COL24A1: variants seen among roughly 807,000 people sequenced by gnomAD.
The protein encoded by COL24A1 is collagen alpha-1(XXIV) chain.
In COL24A1, 224 loss-of-function variants were observed where a neutral mutation model predicts 253.9. That is an observed-to-expected ratio of 0.88 (90% CI 0.79 to 0.99). The LOEUF is 0.99. Ranked by LOEUF, COL24A1 falls within the 50% of genes least tolerant of loss-of-function variation. The pLI is 0.00. For missense variants in COL24A1, 2,131 were observed against 2,068.5 expected (o/e 1.03, Z -0.59); for synonymous variants, 685 against 673.7 (o/e 1.02, Z -0.26).
At chr1:86,112,977 C>G (rs985582804) in intron 4 of COL24A1, among the ~76,000 whole-genome samples, 2 of 152,066 alleles carry the variant, frequency 1.3e-5, no homozygotes, top group Admixed American at 1.3e-4. Context: ...TATTGCTGTT[C>G]TAACTGCCTT....
rs1307406348 is a variant in COL24A1, at chr1:85,936,936, T to G, written c.2562+24313A>C. 2.0e-5 allele frequency among the ~76,000 whole-genome samples: 3 copies of G among 147,248 alleles called. 1 individual carries two copies. The highest frequency in any genetic ancestry group is 4.5e-5 in the Non-Finnish European group (3 of 66,654). ...CAAATGACTACACATCTGAATCTCC[T>G]ATAAGCTGAGTTCCATCAGATTCAT... On this transcript the variant is annotated intron_variant, in intron 24 of 59. Transcript: ENST00000370571.
chr1:86,140,285 T>C (rs559207398), intron 2 of COL24A1, among the ~76,000 whole-genome samples: 3 of 152,368 alleles, frequency 2.0e-5, no homozygotes, highest in African/African-American at 4.8e-5. Flanking sequence ...AACTCTAAGA[T>C]GCTGGCTCTG....
intron 11 of COL24A1, among the ~76,000 whole-genome samples, chr1:86,047,238 C>G (rs114269490): frequency 0.021 from 3,167 of 152,282 alleles, 36 homozygotes; most frequent in Middle Eastern, 0.068. Context: ...TCTGCCTTCC[C>G]CTCTCTATCT....
At chr1:85,987,374 T>C (rs1693808581) in intron 20 of COL24A1, among the ~76,000 whole-genome samples, 1 of 151,860 alleles carries the variant, frequency 6.6e-6, no homozygotes, top group African/African-American at 2.4e-5. Flanking sequence ...TCCAAAAAAA[T>C]CCTTCTGGGT....
At chr1:86,112,441 G>A (rs1705707040) in intron 5 of COL24A1, 126 bp downstream of exon 5, 3 of 715,522 alleles carry the variant, frequency 4.2e-6, no homozygotes, top group Non-Finnish European at 2.3e-6. Context: ...GAAGAATCAT[G>A]CTCTGGAGGT....
Position 85,877,108 on chromosome 1 carries a change from C to T in COL24A1, c.3030+14G>A. The stretch of plus-strand genomic sequence containing the variant: ...AGAATATTTATGAAGAAGAACTAGC[C>T]ACAAAAAATTTACCTCCATGCCCAT... On this transcript the variant is annotated intron_variant, in intron 33 of 59. Coordinates refer to ENST00000370571, the MANE Select transcript of COL24A1 (RefSeq NM_152890.7). The T allele has an allele frequency of 6.3e-7, 1 of 1,595,810 alleles. No individual in the cohort carries two copies. The highest frequency in any genetic ancestry group is 1.7e-5 in the Admixed American group (1 of 57,940).
intron 7 of COL24A1, among the ~76,000 whole-genome samples, chr1:86,085,902 A>G (rs1000756082): frequency 3.3e-5 from 5 of 152,318 alleles, no homozygotes; most frequent in Admixed American, 3.3e-4. Context: ...CAAAAAATCT[A>G]TGAAAGACTG....
intron 43 of COL24A1, among the ~76,000 whole-genome samples, chr1:85,827,900 G>T (rs929490178): frequency 1.3e-5 from 2 of 151,984 alleles, no homozygotes; most frequent in East Asian, 1.9e-4. Context: ...TTTTTGAAGG[G>T]TTTTTTGTGT....
At chr1:86,126,253 T>A in intron 2 of COL24A1, 39 bp from the exon 3 acceptor site, 1 of 1,519,254 alleles carries the variant, frequency 6.6e-7, no homozygotes, top group East Asian at 2.3e-5. Context: ...GAATCTTAAT[T>A]TTATGGATTC....
At chr1:86,142,290 G>A (rs1056444331) in intron 2 of COL24A1, among the ~76,000 whole-genome samples, 8 of 151,906 alleles carry the variant, frequency 5.3e-5, no homozygotes, top group Admixed American at 2.0e-4. Flanking sequence ...TTGGGAGGCC[G>A]AGGCGGGAGG....
At chr1:85,917,938 C>T (rs148592814) in intron 24 of COL24A1, among the ~76,000 whole-genome samples, 1 of 152,120 alleles carries the variant, frequency 6.6e-6, no homozygotes, top group African/African-American at 2.4e-5. Flanking sequence ...GAACTCCTGA[C>T]CTCAGGTGAT....
intron 48 of COL24A1, among the ~76,000 whole-genome samples, chr1:85,785,293 T>C (rs1669564909): frequency 2.6e-5 from 4 of 152,228 alleles, no homozygotes; most frequent in Admixed American, 2.6e-4. Flanking sequence ...AGTCAAGTCT[T>C]TTTTCATTGA....
chr1:85,869,353 A>G (rs1419058458), intron 35 of COL24A1, among the ~76,000 whole-genome samples: 6 of 152,176 alleles, frequency 3.9e-5, no homozygotes, highest in Non-Finnish European at 8.8e-5. Context: ...AGAACACCAC[A>G]AAGATACTCC....
intron 7 of COL24A1, among the ~76,000 whole-genome samples, chr1:86,079,594 A>G (rs1318423986): frequency 6.6e-6 from 1 of 151,940 alleles, no homozygotes; most frequent in Non-Finnish European, 1.5e-5. Flanking sequence ...AAGGTGCTCA[A>G]ACAACTAATC....
chr1:85,898,775 A>G (rs576316924), intron 28 of COL24A1, among the ~76,000 whole-genome samples: 1 of 152,336 alleles, frequency 6.6e-6, no homozygotes, highest in East Asian at 1.9e-4. Context: ...AAATTATAAA[A>G]TGAAAATATG....
chr1:86,025,906 G>A (rs1697985793), intron 14 of COL24A1, among the ~76,000 whole-genome samples: 1 of 151,992 alleles, frequency 6.6e-6, no homozygotes, highest in Non-Finnish European at 1.5e-5. Flanking sequence ...TCAAGATATA[G>A]CTCCAAAAAT....
intron 19 of COL24A1, among the ~76,000 whole-genome samples, chr1:85,993,723 A>T (rs1416539256): frequency 6.6e-6 from 1 of 152,068 alleles, no homozygotes; most frequent in African/African-American, 2.4e-5. Flanking sequence ...TATGTCAATT[A>T]TACCTCAATG....
At chr1:86,127,910 C>T (rs1302186245) in intron 2 of COL24A1, among the ~76,000 whole-genome samples, 1 of 151,968 alleles carries the variant, frequency 6.6e-6, no homozygotes, top group African/African-American at 2.4e-5. Context: ...GAGATCTTCA[C>T]AAAACACTCA....
chr1:86,106,730 G>T (rs1032759508), intron 5 of COL24A1, among the ~76,000 whole-genome samples: 1 of 152,032 alleles, frequency 6.6e-6, no homozygotes, highest in African/African-American at 2.4e-5. Flanking sequence ...CATTCTCTCT[G>T]GAAAACAGGA....
Sources: gnomAD v4.1 joint callset for allele counts (sites outside exome capture counted in the v4.1 genomes callset) on GRCh38, gnomAD v4.1.1 for gene constraint, MANE v1.5 for transcripts, NCBI Gene and HGNC (gene_info 2026-07-23, HGNC 2026-07-21) for gene names.